AGTPBP1: variants seen among roughly 807,000 people sequenced by gnomAD.
AGTPBP1 encodes the protein cytosolic carboxypeptidase 1.
A neutral mutation model predicts 143.9 loss-of-function variants in AGTPBP1; 70 were observed. That is an observed-to-expected ratio of 0.49 (90% confidence interval 0.40 to 0.59). The LOEUF (loss-of-function observed/expected upper bound fraction) is 0.59, where lower values mean the gene tolerates loss of function less well. Among genes scored for constraint, AGTPBP1 ranks in the 20% least tolerant of loss-of-function variants. The probability of loss-of-function intolerance (pLI) is 0.00; values close to 1 mark genes in which losing one functional copy is unlikely to be tolerated. For missense variants in AGTPBP1, 1,229 were observed against 1,464.5 expected, an observed-to-expected ratio of 0.84 and a Z score of 2.62; for synonymous variants, 463 against 500.2, an observed-to-expected ratio of 0.93 and a Z score of 0.99.
intron 3 of AGTPBP1, 115 bp from the exon 4 acceptor site, chr9:85,681,450 T>A: frequency 1.3e-6 from 1 of 794,316 alleles, no homozygotes; most frequent in Non-Finnish European, 2.0e-6. Context: ...GTAAACACTC[T>A]AACTTGGTTC....
At chr9:85,604,099 G>A (rs558541894) in intron 17 of AGTPBP1, among the ~76,000 whole-genome samples, 3 of 152,298 alleles carry the variant, frequency 2.0e-5, no homozygotes, top group African/African-American at 7.2e-5. Flanking sequence ...CGGCTGGAAA[G>A]CCCTTGGGCC....
At chr9:85,599,920 G>A (rs978044683) in intron 17 of AGTPBP1, among the ~76,000 whole-genome samples, 2 of 152,138 alleles carry the variant, frequency 1.3e-5, no homozygotes, top group Admixed American at 1.3e-4. Context: ...AACTTCCTGG[G>A]TTTGAATTCC....
chr9:85,757,123 G>C, the AGTPBP1 span, among the ~76,000 whole-genome samples: 1 of 152,130 alleles, frequency 6.6e-6, no homozygotes, highest in Non-Finnish European at 1.5e-5. Flanking sequence ...CTGGAGTGCA[G>C]TGGCGCGATC....
At chr9:85,658,324 T>C (rs1190408037) in intron 9 of AGTPBP1, among the ~76,000 whole-genome samples, 1 of 152,142 alleles carries the variant, frequency 6.6e-6, no homozygotes, top group East Asian at 1.9e-4. Flanking sequence ...ACACTAAAGG[T>C]TTTTGTAAAT....
At chr9:85,550,433 T>C (rs1284657122) in intron 25 of AGTPBP1, among the ~76,000 whole-genome samples, 4 of 152,166 alleles carry the variant, frequency 2.6e-5, no homozygotes, top group African/African-American at 9.7e-5. Context: ...GCTTAATTCC[T>C]TTCTGTCCCT....
the AGTPBP1 span, among the ~76,000 whole-genome samples, chr9:85,754,772 A>G: frequency 1.3e-5 from 2 of 152,160 alleles, no homozygotes; most frequent in Admixed American, 6.5e-5. Flanking sequence ...TAATAGTGAC[A>G]TGGGTGCATT....
chr9:85,788,728 T>C, the AGTPBP1 span, among the ~76,000 whole-genome samples: 1 of 149,944 alleles, frequency 6.7e-6, no homozygotes. Context: ...TCACTTTATA[T>C]TATTTAATAT....
At chr9:85,734,682 T>C (rs992494169) in intron 1 of AGTPBP1, among the ~76,000 whole-genome samples, 5 of 152,196 alleles carry the variant, frequency 3.3e-5, no homozygotes, top group African/African-American at 1.2e-4. Context: ...GCAGCCACTA[T>C]GAAAAACAGT....
intron 18 of AGTPBP1, among the ~76,000 whole-genome samples, chr9:85,595,522 T>G (rs1337563919): frequency 6.6e-6 from 1 of 152,172 alleles, no homozygotes; most frequent in Non-Finnish European, 1.5e-5. Context: ...AGCACTTATT[T>G]ATTTTATTTA....
chr9:85,655,275 T>C lies in AGTPBP1; in HGVS notation c.955A>G (p.Ser319Gly). 6.4e-7 allele frequency: 1 copy of C among 1,569,568 alleles called. No individual in the cohort carries two copies. Among genetic ancestry groups the C allele is most frequent in the Non-Finnish European group, 8.6e-7 (1 of 1,156,814 alleles). The part of the protein sequence containing the change: ...RTLDPLVNTS[S>G]LIMRKCFPKN... Reference sequence around the variant, plus strand: ...GGGAAACACTTCCTCATTATCAGACTGGAGGTATTGACAAGAGGATCCAGA... The same window carrying C: ...GGGAAACACTTCCTCATTATCAGACCGGAGGTATTGACAAGAGGATCCAGA... Residue 319 changes from serine to glycine, a missense_variant, in exon 11 of 26, where the codon AGT (serine) becomes GGT (glycine). Transcript: ENST00000357081.
Position 85,677,002 on chromosome 9 carries a change from TGAATA to T in AGTPBP1, c.436+429_436+433del, listed in dbSNP as rs1047366078. Among the ~76,000 whole-genome samples, 8 of 151,744 alleles carry T rather than the reference TGAATA, an allele frequency of 5.3e-5. No individual in the cohort carries two copies. The East Asian group carries it at 7.8e-4, about 15-fold the overall frequency. On this transcript the variant is annotated intron_variant, in intron 6 of 25. Coordinates refer to ENST00000357081, the MANE Select transcript of AGTPBP1 (RefSeq NM_001330701.2). Reference sequence around the variant, plus strand: ...AAAAAAACTGATCTCATGAAAGGAGTGAATAGAATAGTGGTTATCAGAGGCTAGCA... The same window carrying T: ...AAAAAAACTGATCTCATGAAAGGAGTGAATAGTGGTTATCAGAGGCTAGCA...
chr9:85,787,935 G>A, the AGTPBP1 span: 36 of 152,148 alleles, frequency 2.4e-4, no homozygotes, highest in Non-Finnish European at 2.4e-4. Flanking sequence ...ATCTCACATA[G>A]GACCCAAACT....
intron 14 of AGTPBP1, among the ~76,000 whole-genome samples, chr9:85,625,955 T>C (rs1402814428): frequency 9.6e-6 from 1 of 104,370 alleles, no homozygotes. Flanking sequence ...GGAAAGAAAA[T>C]AAATCAAAAT....
intron 17 of AGTPBP1, among the ~76,000 whole-genome samples, chr9:85,611,880 C>T (rs1011236394): frequency 9.2e-5 from 14 of 152,092 alleles, no homozygotes; most frequent in Non-Finnish European, 1.9e-4. Context: ...TGGGGTTTCA[C>T]CATGTTGGTC....
chr9:85,749,345 G>T, the AGTPBP1 span, among the ~76,000 whole-genome samples: 1 of 152,066 alleles, frequency 6.6e-6, no homozygotes, highest in African/African-American at 2.4e-5. Flanking sequence ...CTAGTGAAAT[G>T]ACCCACTTAT....
chr9:85,685,164 T>C (rs1478559529), intron 3 of AGTPBP1, among the ~76,000 whole-genome samples: 8 of 151,832 alleles, frequency 5.3e-5, no homozygotes, highest in East Asian at 1.9e-4. Flanking sequence ...TGTATAATTA[T>C]ACTTCCACAA....
chr9:85,559,115 G>C (rs987225526), intron 25 of AGTPBP1, among the ~76,000 whole-genome samples: 21 of 152,138 alleles, frequency 1.4e-4, no homozygotes, highest in African/African-American at 4.8e-4. Context: ...AATGACTTTT[G>C]CTAAGCACAA....
rs1159537445 is a variant in AGTPBP1, at chr9:85,632,671, C to A, written c.2006G>T (p.Gly669Val). ...FKEPILERPY[G>V]VQRTKIAQDI... is the part of the protein sequence containing the mutation. ...GAAATATGCAACTCACCTTTGTACA[C>A]CATAAGGCCTTTCTAAAATAGGCTC... Residue 669 changes from glycine to valine, a missense_variant, in exon 14 of 26, where the codon GGT (glycine) becomes GTT (valine). Coordinates refer to ENST00000357081, the MANE Select transcript of AGTPBP1 (RefSeq NM_001330701.2). 2.5e-6 allele frequency: 4 copies of A among 1,605,302 alleles called. No individual in the cohort carries two copies. The highest frequency in any genetic ancestry group is 3.4e-6 in the Non-Finnish European group (4 of 1,175,652).
chr9:85,709,512 C>T (rs1028564192), intron 2 of AGTPBP1, among the ~76,000 whole-genome samples: 8 of 152,092 alleles, frequency 5.3e-5, no homozygotes, highest in South Asian at 4.1e-4. Flanking sequence ...AGGGTAAGGA[C>T]TTTGTCTCTT....
Sources: gnomAD v4.1 joint callset for allele counts (sites outside exome capture counted in the v4.1 genomes callset) on GRCh38, gnomAD v4.1.1 for gene constraint, MANE v1.5 for transcripts, NCBI Gene and HGNC (gene_info 2026-07-23, HGNC 2026-07-21) for gene names.